CPNE4: variants seen among roughly 807,000 people sequenced by gnomAD.
CPNE4 encodes copine 4.
A neutral mutation model predicts 67.9 loss-of-function variants in CPNE4; 25 were observed. That is an observed-to-expected ratio of 0.37 (90% CI 0.27 to 0.51). CPNE4 has a LOEUF of 0.51. Among genes scored for constraint, CPNE4 ranks in the 20% least tolerant of loss-of-function variants. The pLI is 0.93. For missense variants in CPNE4, 464 were observed against 690.8 expected (o/e 0.67, Z 3.68); for synonymous variants, 242 against 244.9 (o/e 0.99, Z 0.11).
At chr3:131,717,929 T>C (rs1455984656) in intron 3 of CPNE4, among the ~76,000 whole-genome samples, 8 of 146,572 alleles carry the variant, frequency 5.5e-5, no homozygotes, top group Non-Finnish European at 1.1e-4. Flanking sequence ...TTTCTTTCTT[T>C]CTTTCTTTCT....
intron 7 of CPNE4, among the ~76,000 whole-genome samples, chr3:131,602,492 T>C (rs920422192): frequency 3.3e-5 from 5 of 152,170 alleles, no homozygotes; most frequent in African/African-American, 9.7e-5. Flanking sequence ...CTCTTCTGGA[T>C]TGCAGCCAAG....
At chr3:131,866,108 C>T (rs2010176) in intron 2 of CPNE4, among the ~76,000 whole-genome samples, 48,895 of 152,144 alleles carry the variant, frequency 0.32, 8,424 homozygotes, top group African/African-American at 0.43. Flanking sequence ...AGAATACTGC[C>T]GAAGACTAAG....
chr3:131,770,752 C>G (rs2083146036), intron 2 of CPNE4, among the ~76,000 whole-genome samples: 2 of 152,220 alleles, frequency 1.3e-5, no homozygotes, highest in South Asian at 4.1e-4. Context: ...CCAGTTTATA[C>G]TGTGGTTTTG....
intron 1 of CPNE4, among the ~76,000 whole-genome samples, chr3:131,911,651 T>C (rs1261134923): frequency 6.6e-6 from 1 of 151,762 alleles, no homozygotes; most frequent in Admixed American, 6.6e-5. Context: ...CTCATCTTGG[T>C]AATATTTCTG....
In CPNE4 at chr3:131,564,308, G is replaced by A. The variant is rs1293113163; in HGVS notation, c.969C>T (p.Asn323=). ...DFTASNGDPR[N]SCSLHYIHPY... is the part of the protein sequence containing the mutation. ...GGTGGATGTAGTGCAAGGAACAGCT[G>A]TTCCTGGGGTCCCCGTTTGAGGCAG... is the stretch of plus-strand genomic sequence containing the variant. The change falls in exon 11 of 16, where the codon AAC becomes AAT. Residue 323 remains asparagine, a synonymous_variant. Coordinates refer to ENST00000429747, the MANE Select transcript of CPNE4 (RefSeq NM_130808.3). The A allele has an allele frequency of 1.2e-6, 2 of 1,612,798 alleles. No homozygotes were observed. Among genetic ancestry groups the A allele is most frequent in the Admixed American group, 3.3e-5 (2 of 59,876 alleles).
intron 3 of CPNE4, among the ~76,000 whole-genome samples, chr3:131,711,957 C>A (rs1386519781): frequency 2.0e-5 from 3 of 152,166 alleles, no homozygotes; most frequent in Admixed American, 2.0e-4. Context: ...AGCCAACTCT[C>A]CTCCCTGTGG....
chr3:131,635,296 CT>C (rs2107785290), intron 7 of CPNE4, among the ~76,000 whole-genome samples: 1 of 152,284 alleles, frequency 6.6e-6, no homozygotes, highest in Middle Eastern at 3.4e-3. Context: ...GACATAATCA[CT>C]TTTGGAGTGG....
At chr3:131,568,495 G>A (rs941213985) in intron 10 of CPNE4, among the ~76,000 whole-genome samples, 3 of 152,036 alleles carry the variant, frequency 2.0e-5, no homozygotes, top group Non-Finnish European at 4.4e-5. Flanking sequence ...GAGCCACCAC[G>A]TTTTCATTTC....
At chr3:131,806,474 C>T (rs192362931) in intron 2 of CPNE4, among the ~76,000 whole-genome samples, 12 of 147,658 alleles carry the variant, frequency 8.1e-5, no homozygotes, top group Non-Finnish European at 1.3e-4. Flanking sequence ...GGCATGAACC[C>T]GGGAGGCGGT....
intron 7 of CPNE4, among the ~76,000 whole-genome samples, chr3:131,603,955 C>A (rs1340993319): frequency 6.6e-6 from 1 of 152,110 alleles, no homozygotes; most frequent in Admixed American, 6.6e-5. Context: ...AAATTCTTGT[C>A]CTATTCTTAA....
chr3:131,942,747 A>G (rs1361897883), intron 1 of CPNE4, among the ~76,000 whole-genome samples: 1 of 152,102 alleles, frequency 6.6e-6, no homozygotes, highest in African/African-American at 2.4e-5. Context: ...CCTCTCTTCG[A>G]ATCCCTCTAA....
At chr3:131,600,008 G>T (rs1387137929) in intron 7 of CPNE4, among the ~76,000 whole-genome samples, 1 of 152,128 alleles carries the variant, frequency 6.6e-6, no homozygotes, top group African/African-American at 2.4e-5. Flanking sequence ...ATCCAGTTTT[G>T]GGCATCCTGA....
chr3:131,909,959 C>T (rs539705471), intron 1 of CPNE4, among the ~76,000 whole-genome samples: 69 of 151,938 alleles, frequency 4.5e-4, no homozygotes, highest in South Asian at 1.9e-3. Context: ...CTTTAAGCAA[C>T]GGGAAACAGA....
At chr3:131,763,220 A>C (rs1321019689) in intron 2 of CPNE4, among the ~76,000 whole-genome samples, 3 of 152,234 alleles carry the variant, frequency 2.0e-5, no homozygotes, top group Non-Finnish European at 2.9e-5. Context: ...TCTTATGATG[A>C]ATGTGATTTA....
At chr3:131,672,032 A>G (rs2080431241) in intron 6 of CPNE4, among the ~76,000 whole-genome samples, 1 of 152,038 alleles carries the variant, frequency 6.6e-6, no homozygotes, top group Non-Finnish European at 1.5e-5. Flanking sequence ...AGTTGTTTTT[A>G]TATTTAATAT....
intron 2 of CPNE4, among the ~76,000 whole-genome samples, chr3:131,847,867 G>A (rs1426579718): frequency 1.3e-5 from 2 of 152,098 alleles, no homozygotes; most frequent in African/African-American, 2.4e-5. Context: ...TTCTGAACTC[G>A]AGGGTGAAAG....
intron 7 of CPNE4, among the ~76,000 whole-genome samples, chr3:131,609,121 TATGTTTTC>T (rs1215494203): frequency 6.6e-6 from 1 of 152,186 alleles, no homozygotes; most frequent in African/African-American, 2.4e-5. Flanking sequence ...GTTGGGATCA[TATGTTTTC>T]ATGATTACTT....
intron 5 of CPNE4, among the ~76,000 whole-genome samples, chr3:131,694,916 C>A (rs2081115686): frequency 6.6e-6 from 1 of 152,148 alleles, no homozygotes; most frequent in African/African-American, 2.4e-5. Context: ...CGGAATAGTT[C>A]TTCATTTAGG....
chr3:131,540,155 A>T (rs543908447), intron 15 of CPNE4, among the ~76,000 whole-genome samples: 2 of 152,262 alleles, frequency 1.3e-5, no homozygotes, highest in Middle Eastern at 3.4e-3. Flanking sequence ...TTGTGGGAAG[A>T]TTGACTGCTG....
Sources: allele counts gnomAD v4.1 joint callset (sites outside exome capture counted in the v4.1 genomes callset), GRCh38; gene constraint gnomAD v4.1.1; transcripts MANE v1.5; gene names NCBI Gene and HGNC (gene_info 2026-07-23, HGNC 2026-07-21).